STPG1: variants seen among roughly 807,000 people sequenced by gnomAD.
STPG1 encodes O(6)-methylguanine-induced apoptosis 2.
STPG1 carries 33 observed loss-of-function variants against 40.1 expected under a neutral mutation model. The ratio of observed to expected loss-of-function variants is 0.82; its 90% CI spans 0.62 to 1.10. The LOEUF (loss-of-function observed/expected upper bound fraction) is 1.10. Ranked by LOEUF, STPG1 falls within the 50% of genes least tolerant of loss-of-function variation. The pLI is 0.00. For missense variants in STPG1, 396 were observed against 415.1 expected, an observed-to-expected ratio of 0.95 and a Z score of 0.40; for synonymous variants, 150 against 155.0, an observed-to-expected ratio of 0.97 and a Z score of 0.24.
intron 8 of STPG1, among the ~76,000 whole-genome samples, chr1:24,358,867 C>T (rs58160842): frequency 0.12 from 18,459 of 152,150 alleles, 2,425 homozygotes; most frequent in African/African-American, 0.33. Context: ...ACAAAATTTA[C>T]AAAACTATTT....
Position 24,379,657 on chromosome 1 carries a change from T to G in STPG1, c.458A>C (p.Tyr153Ser), listed in dbSNP as rs1642191515. Reference protein sequence around the residue: ...LKFETPAPNYYNASVSCCKQR... With the variant: ...LKFETPAPNYSNASVSCCKQR... Reference sequence around the variant, plus strand: ...AAGCATAGGCAGAGTTCTTACATTGTAATAGTTTGGTGCAGGAGTTTCAAA... The same window carrying G: ...AAGCATAGGCAGAGTTCTTACATTGGAATAGTTTGGTGCAGGAGTTTCAAA... Residue 153 changes from tyrosine (Y) to serine (S), a missense_variant, in exon 5 of 9, where the codon TAC (tyrosine) becomes TCC (serine). Coordinates refer to ENST00000337248, the MANE Select transcript of STPG1 (RefSeq NM_001199013.2). The G allele has an allele frequency of 1.2e-6, 2 of 1,614,016 alleles. No homozygotes were observed.
chr1:24,400,077 G>C (rs563325496), intron 2 of STPG1, among the ~76,000 whole-genome samples: 2 of 152,298 alleles, frequency 1.3e-5, no homozygotes, highest in South Asian at 4.1e-4. Flanking sequence ...TACAAGAATA[G>C]TTACAGAAGT....
chr1:24,412,571 T>C (rs531422101), intron 1 of STPG1, among the ~76,000 whole-genome samples: 55 of 152,278 alleles, frequency 3.6e-4, no homozygotes, highest in Middle Eastern at 6.8e-3. Context: ...CAGTATTTGC[T>C]CAATTGGCCA....
chr1:24,380,201 T>C (rs1367169805), intron 4 of STPG1, among the ~76,000 whole-genome samples: 1 of 152,176 alleles, frequency 6.6e-6, no homozygotes, highest in Non-Finnish European at 1.5e-5. Flanking sequence ...TTCTTCTGAG[T>C]AAAATCTCAC....
chr1:24,362,569 C>T (rs2148677760), intron 7 of STPG1, among the ~76,000 whole-genome samples: 1 of 152,224 alleles, frequency 6.6e-6, no homozygotes, highest in East Asian at 1.9e-4. Context: ...TGTAAAGCAC[C>T]TAGTAGAGCA....
At chr1:24,398,704 CAACA>C (rs1305005237) in intron 2 of STPG1, among the ~76,000 whole-genome samples, 2 of 151,790 alleles carry the variant, frequency 1.3e-5, no homozygotes. Context: ...TGTACAGCAG[CAACA>C]AACAATTTAA....
chr1:24,364,828 A>G (rs966299919), intron 7 of STPG1, among the ~76,000 whole-genome samples: 5 of 152,224 alleles, frequency 3.3e-5, no homozygotes, highest in African/African-American at 9.6e-5. Context: ...GAAAACATCT[A>G]TCAAAGGCTC....
rs72652533 is a variant in STPG1 at position 24,363,106 on chromosome 1, G to A, written c.738-2065C>T. On this transcript the variant is annotated intron_variant, in intron 7 of 8. Coordinates refer to ENST00000337248, the MANE Select transcript of STPG1 (RefSeq NM_001199013.2). ...TGAGGTCACCCCATCACTGGTCTGG[G>A]TCACTCCAAGCCCAAGATTCCCACC... 1.8e-3 allele frequency among the ~76,000 whole-genome samples: 267 copies of A among 152,278 alleles called. 1 individual carries two copies. The highest frequency in any genetic ancestry group is 3.0e-3 in the Non-Finnish European group (202 of 68,022).
Position 24,373,724 on chromosome 1 carries a change from A to C in STPG1, c.549T>G (p.Phe183Leu). 1.2e-6 allele frequency: 2 copies of C among 1,611,512 alleles called. No homozygotes were observed. The highest frequency in any genetic ancestry group is 1.7e-6 in the Non-Finnish European group (2 of 1,177,702). Reference sequence around the variant, plus strand: ...TACCTGGGGGAGGTCCTTTATCAGCAAAAGCGAAAGATCCTCTTTGGGTTT... The same window carrying C: ...TACCTGGGGGAGGTCCTTTATCAGCCAAAGCGAAAGATCCTCTTTGGGTTT... Reference protein sequence around the residue: ...MSKTQRGSFAFADKGPPPGHY... With the variant: ...MSKTQRGSFALADKGPPPGHY... Residue 183 changes from phenylalanine (F) to leucine (L), a missense_variant, in exon 6 of 9, where the codon TTT (phenylalanine) becomes TTG (leucine). Transcript: ENST00000337248.
At position 24,391,618 on chromosome 1, in the gene STPG1, G is replaced by A. The variant is rs1387171180; in HGVS notation, c.132C>T (p.Ile44=). The A allele has an allele frequency of 5.2e-6, 8 of 1,549,828 alleles. No individual in the cohort carries two copies. In the East Asian group the frequency reaches 1.2e-4, roughly 24 times the overall value. Residue 44 remains isoleucine, a synonymous_variant, in exon 3 of 9, where the codon ATC becomes ATT. Coordinates refer to ENST00000337248, the MANE Select transcript of STPG1 (RefSeq NM_001199013.2). The part of the protein sequence containing the change: ...SIPFKSQASV[I]PESEKKGFNS... ...TGAATCCTTTTTTTTCTGATTCTGGGATTACTGAAGCTTGAGATTTAAAAG... is the reference window on the plus strand; with the variant it reads ...TGAATCCTTTTTTTTCTGATTCTGGAATTACTGAAGCTTGAGATTTAAAAG...
chr1:24,372,246 C>T (rs1194765518), intron 6 of STPG1, among the ~76,000 whole-genome samples: 2 of 152,144 alleles, frequency 1.3e-5, no homozygotes, highest in Non-Finnish European at 2.9e-5. Context: ...CTGTCACCTG[C>T]TTTTCTATCT....
Position 24,369,655 on chromosome 1 carries a change from C to T in STPG1, c.737+19G>A. ...CACAACCACCTTTCAAAAGAAAGAC[C>T]AGAATGATTGGGACTCACGGGAAAA... On this transcript the variant is annotated intron_variant, in intron 7 of 8. Coordinates refer to ENST00000337248, the MANE Select transcript of STPG1 (RefSeq NM_001199013.2). The T allele has an allele frequency of 6.4e-7, 1 of 1,568,602 alleles. No individual in the cohort carries two copies. The highest frequency in any genetic ancestry group is 1.4e-5 in the African/African-American group (1 of 73,054).
intron 6 of STPG1, among the ~76,000 whole-genome samples, chr1:24,371,609 G>T (rs1309876435): frequency 1.3e-5 from 2 of 148,496 alleles, no homozygotes; most frequent in East Asian, 4.0e-4. Flanking sequence ...AAAAAAAAAT[G>T]TTCCCAGTAT....
At chr1:24,410,801 T>A (rs1643589411) in intron 1 of STPG1, 1 of 152,256 alleles carries the variant, frequency 6.6e-6, no homozygotes, top group Non-Finnish European at 1.5e-5. Flanking sequence ...CATGACAGGA[T>A]GGCATGGACC....
intron 2 of STPG1, 61 bp downstream of exon 2, chr1:24,401,258 T>C (rs1186270768): frequency 1.3e-6 from 2 of 1,513,636 alleles, no homozygotes; most frequent in Non-Finnish European, 1.8e-6. Flanking sequence ...CCAAATTTGC[T>C]CTTATGTACT....
chr1:24,381,270 T>G (rs768362284), intron 4 of STPG1, among the ~76,000 whole-genome samples: 10 of 152,204 alleles, frequency 6.6e-5, no homozygotes, highest in Non-Finnish European at 1.2e-4. Flanking sequence ...AACTTACATT[T>G]TGAAAATGAA....
At position 24,369,667 on chromosome 1, in the gene STPG1, G is replaced by C. The variant is rs773781080; in HGVS notation, c.737+7C>G. 3 of 1,584,850 alleles carry C rather than the reference G, an allele frequency of 1.9e-6. No individual in the cohort carries two copies. The East Asian group carries it at 6.8e-5, about 36-fold the overall frequency. On this transcript the variant is annotated splice_region_variant and intron_variant, in intron 7 of 8. Coordinates refer to ENST00000337248, the MANE Select transcript of STPG1 (RefSeq NM_001199013.2). ...TCAAAAGAAAGACCAGAATGATTGG[G>C]ACTCACGGGAAAAGAGTCTTTTTTG...
intron 5 of STPG1, among the ~76,000 whole-genome samples, chr1:24,376,207 G>C (rs752564291): frequency 6.6e-6 from 1 of 152,082 alleles, no homozygotes; most frequent in South Asian, 2.1e-4. Context: ...TTTTAGTAGA[G>C]GCGAGGTTTC....
rs146336291 is a variant in STPG1, at chr1:24,404,510, T to C, written c.-68-3054A>G. Among the ~76,000 whole-genome samples the C allele has an allele frequency of 6.0e-4, 91 of 152,336 alleles. No homozygotes were observed. The East Asian group carries it at 0.014, about 24-fold the overall frequency. On this transcript the variant is annotated intron_variant, in intron 1 of 8. Transcript: ENST00000337248. ...CAGTTTGCGTAAAATTGGTATTAGT[T>C]CTTCCTTAAATTTACAAGTTAAGCC...
Sources: gnomAD v4.1 joint callset for allele counts (sites outside exome capture counted in the v4.1 genomes callset) on GRCh38, gnomAD v4.1.1 for gene constraint, MANE v1.5 for transcripts, NCBI Gene and HGNC (gene_info 2026-07-23, HGNC 2026-07-21) for gene names.